Variants in DLC1 observed in about 807,000 individuals in gnomAD.
DLC1 encodes the protein DLC1 Rho GTPase activating protein, also known as rho GTPase-activating protein 7.
In DLC1, 54 loss-of-function variants were observed where a neutral mutation model predicts 140.3. That is an observed-to-expected ratio of 0.38 (90% CI 0.31 to 0.48). DLC1 has a LOEUF of 0.48. DLC1 is among the 20% of genes least tolerant of loss of function. The pLI, the probability that DLC1 is intolerant of heterozygous loss-of-function variation, is 0.96. For missense variants in DLC1, 2,536 were observed against 1,907.0 expected (o/e 1.33, Z -6.14); for synonymous variants, 986 against 728.1 (o/e 1.35, Z -5.70).
intron 5 of DLC1, among the ~76,000 whole-genome samples, chr8:13,264,340 T>C (rs1250372188): frequency 6.6e-6 from 1 of 152,120 alleles, no homozygotes; most frequent in African/African-American, 2.4e-5. Flanking sequence ...CCCACAGTGC[T>C]GGGATTACGG....
At chr8:13,175,268 A>C (rs1825695719) in intron 5 of DLC1, among the ~76,000 whole-genome samples, 1 of 147,684 alleles carries the variant, frequency 6.8e-6, no homozygotes, top group Non-Finnish European at 1.5e-5. Flanking sequence ...TAGCTTTATA[A>C]TATAGTTTGA....
intron 1 of DLC1, among the ~76,000 whole-genome samples, chr8:13,576,831 G>T (rs1804855107): frequency 6.6e-6 from 1 of 152,214 alleles, no homozygotes; most frequent in South Asian, 2.1e-4. Flanking sequence ...AGTTGTGCAA[G>T]TGCCCTACGA....
intron 5 of DLC1, among the ~76,000 whole-genome samples, chr8:13,142,361 T>C (rs563606966): frequency 7.8e-4 from 119 of 152,332 alleles, no homozygotes; most frequent in Non-Finnish European, 1.5e-3. Context: ...GATTTTCTGT[T>C]CCTGAACAAA....
intron 5 of DLC1, among the ~76,000 whole-genome samples, chr8:13,161,694 C>T (rs1214104081): frequency 6.6e-6 from 1 of 152,162 alleles, no homozygotes; most frequent in African/African-American, 2.4e-5. Context: ...TTTATATGTA[C>T]CTCTGTTCCT....
rs1820031624 is a variant in DLC1, at chr8:13,110,804, A to T, written c.1440T>A (p.Asp480Glu). 2 of 1,614,148 alleles carry T rather than the reference A, an allele frequency of 1.2e-6. No individual in the cohort carries two copies. Among genetic ancestry groups the T allele is most frequent in the African/African-American group, 2.7e-5 (2 of 75,062 alleles). The change falls in exon 7 of 18, where the codon GAT becomes GAA. Residue 480 changes from aspartate (D) to glutamate (E), a missense_variant. Transcript: ENST00000276297. ...CATGCTCTCTCTTGACCAAGGAAATATCGATGGGGAACAGGAAATCTATGA... is the reference window on the plus strand; with the variant it reads ...CATGCTCTCTCTTGACCAAGGAAATTTCGATGGGGAACAGGAAATCTATGA... The part of the protein sequence containing the change: ...QLYEDFLFPI[D>E]ISLVKREHDF...
intron 5 of DLC1, among the ~76,000 whole-genome samples, chr8:13,173,162 T>A (rs1825575667): frequency 1.3e-5 from 2 of 152,162 alleles, no homozygotes; most frequent in Non-Finnish European, 2.9e-5. Context: ...GTTTGAGCCC[T>A]ATTTTTAAAG....
intron 1 of DLC1, among the ~76,000 whole-genome samples, chr8:13,501,360 A>C (rs1014918367): frequency 2.6e-5 from 4 of 152,202 alleles, no homozygotes; most frequent in Admixed American, 2.6e-4. Flanking sequence ...CAACGTTATA[A>C]AAATGACTAA....
intron 4 of DLC1, among the ~76,000 whole-genome samples, chr8:13,318,515 C>T (rs1343625036): frequency 6.6e-6 from 1 of 152,196 alleles, no homozygotes; most frequent in African/African-American, 2.4e-5. Context: ...CTCCCCTTCT[C>T]TTCTATCCAG....
chr8:13,354,508 A>G (rs1400260414), intron 4 of DLC1, among the ~76,000 whole-genome samples: 1 of 114,184 alleles, frequency 8.8e-6, no homozygotes, highest in Non-Finnish European at 1.8e-5. Flanking sequence ...GGAAATAAAT[A>G]GAATGTCTTT....
chr8:13,436,013 A>G (rs1261332167), intron 2 of DLC1, among the ~76,000 whole-genome samples: 1 of 152,228 alleles, frequency 6.6e-6, no homozygotes, highest in African/African-American at 2.4e-5. Context: ...TTTTTTAGGA[A>G]TAAAGTATTT....
At chr8:13,532,930 T>C (rs138432073) in intron 1 of DLC1, among the ~76,000 whole-genome samples, 2,118 of 152,276 alleles carry the variant, frequency 0.014, 54 homozygotes, top group Non-Finnish European at 0.02. Flanking sequence ...AAAAAGTGAA[T>C]AAAAGGAATA....
chr8:13,506,274 A>C (rs1005112276), intron 1 of DLC1, among the ~76,000 whole-genome samples: 3 of 151,426 alleles, frequency 2.0e-5, no homozygotes, highest in African/African-American at 7.3e-5. Flanking sequence ...GGGTTGTGAG[A>C]GTGTGTGTGT....
rs185256688 is a variant in DLC1, at chr8:13,296,946, T to C, written c.1348+8323A>G. 1.2e-3 allele frequency among the ~76,000 whole-genome samples: 182 copies of C among 152,176 alleles called. 4 individuals are homozygous for C. The highest frequency in any genetic ancestry group is 0.012 in the South Asian group (57 of 4,820). ...ATATAATTGAGAGGAAAAGAAACTA[T>C]GTTCTATTGGTTCTGGTAATACAGT... On this transcript the variant is annotated intron_variant, in intron 5 of 17. Coordinates refer to ENST00000276297, the MANE Select transcript of DLC1 (RefSeq NM_182643.3).
chr8:13,140,102 C>G (rs1822865774), intron 5 of DLC1, among the ~76,000 whole-genome samples: 1 of 152,166 alleles, frequency 6.6e-6, no homozygotes, highest in East Asian at 1.9e-4. Flanking sequence ...CTTGCTGTCC[C>G]TAGGAATTTG....
chr8:13,286,932 GA>G (rs1586073182), intron 5 of DLC1, among the ~76,000 whole-genome samples: 1 of 152,192 alleles, frequency 6.6e-6, no homozygotes, highest in East Asian at 1.9e-4. Flanking sequence ...AACTTCAAGG[GA>G]AAGAGGGGAT....
intron 2 of DLC1, among the ~76,000 whole-genome samples, chr8:13,465,829 C>G (rs553260237): frequency 7.2e-5 from 11 of 152,136 alleles, no homozygotes; most frequent in Non-Finnish European, 1.6e-4. Context: ...TCCAATGCCT[C>G]TCATTGGTTC....
At chr8:13,406,209 A>T (rs1291361803) in intron 2 of DLC1, among the ~76,000 whole-genome samples, 1 of 101,002 alleles carries the variant, frequency 9.9e-6, no homozygotes, top group Non-Finnish European at 2.0e-5. Context: ...CAGTGGAGAC[A>T]GGGTTTCACT....
chr8:13,375,041 T>TG (rs1412382270), intron 4 of DLC1, among the ~76,000 whole-genome samples: 1 of 151,218 alleles, frequency 6.6e-6, no homozygotes, highest in African/African-American at 2.4e-5. Flanking sequence ...TTTTTTTTTT[T>TG]TTTTGAGACG....
chr8:13,292,914 A>T (rs1450555680), intron 5 of DLC1, among the ~76,000 whole-genome samples: 1 of 152,228 alleles, frequency 6.6e-6, no homozygotes, highest in African/African-American at 2.4e-5. Flanking sequence ...CAAACAAATT[A>T]TAATGCAAAT....
Sources: allele counts gnomAD v4.1 joint callset (sites outside exome capture counted in the v4.1 genomes callset), GRCh38; gene constraint gnomAD v4.1.1; transcripts MANE v1.5; gene names NCBI Gene and HGNC (gene_info 2026-07-23, HGNC 2026-07-21).